DUSP29: variants seen among roughly 807,000 people sequenced by gnomAD.
The protein encoded by DUSP29 is dual specificity phosphatase 29.
In DUSP29, 12 loss-of-function variants were observed where a neutral mutation model predicts 13.5. That is an observed-to-expected ratio of 0.89 (90% CI 0.57 to 1.44). The LOEUF (loss-of-function observed/expected upper bound fraction) is 1.44. DUSP29 is among the 40% of genes most tolerant of loss of function. DUSP29 has a pLI of 0.00. For synonymous variants in DUSP29, 134 were observed against 128.7 expected (o/e 1.04, Z -0.28); for missense variants, 308 against 301.1 (o/e 1.02, Z -0.17).
chr10:75,037,704 G>A lies in DUSP29; in HGVS notation c.*132C>T, dbSNP rs1846492134. On this transcript the variant is annotated 3_prime_UTR_variant, in exon 4 of 4. Transcript: ENST00000338487. ...TCCTCCCTGTCCCCAGCACACATGG[G>A]GAAGTTGAACAAGATGGTTTGGAAG... 1.0e-5 allele frequency: 15 copies of A among 1,445,934 alleles called. No homozygotes were observed. In the South Asian group the frequency reaches 1.6e-4, roughly 16 times the overall value. 89.6% of individuals were successfully genotyped at this position (1,445,934 alleles called of 1,614,324 possible). A position where few individuals can be genotyped will look rare whatever the true frequency, so the allele number is the denominator to read the frequency against.
chr10:75,039,494 C>A (rs566702670), intron 3 of DUSP29, among the ~76,000 whole-genome samples: 1 of 152,046 alleles, frequency 6.6e-6, no homozygotes, highest in Admixed American at 6.5e-5. Flanking sequence ...CCAGCCGGGG[C>A]GACAGAGCAA....
chr10:75,055,105 G>T (rs1268609880), intron 2 of DUSP29, among the ~76,000 whole-genome samples: 1 of 152,118 alleles, frequency 6.6e-6, no homozygotes, highest in Non-Finnish European at 1.5e-5. Flanking sequence ...GCCTCCCAAA[G>T]TTACAGGGTT....
chr10:75,069,606 T>C (rs904544458), intron 1 of DUSP29, among the ~76,000 whole-genome samples: 2 of 152,168 alleles, frequency 1.3e-5, no homozygotes, highest in Admixed American at 6.5e-5. Context: ...GCTCTGGGCC[T>C]TGGGAAGGCG....
At chr10:75,044,546 G>A (rs778396758) in intron 2 of DUSP29, among the ~76,000 whole-genome samples, 1 of 152,248 alleles carries the variant, frequency 6.6e-6, no homozygotes, top group Non-Finnish European at 1.5e-5. Context: ...GAACGGGAAA[G>A]TGTTGCTTTG....
chr10:75,047,415 G>C (rs1049788344), intron 2 of DUSP29, among the ~76,000 whole-genome samples: 1 of 152,190 alleles, frequency 6.6e-6, no homozygotes, highest in Non-Finnish European at 1.5e-5. Context: ...TTGGGAGTGG[G>C]GCAGGCTCAG....
At chr10:75,065,794 G>T (rs2134305048) in intron 1 of DUSP29, among the ~76,000 whole-genome samples, 1 of 152,068 alleles carries the variant, frequency 6.6e-6, no homozygotes, top group South Asian at 2.1e-4. Flanking sequence ...AGGTTCAAGG[G>T]ATCCTCCCAC....
intron 1 of DUSP29, among the ~76,000 whole-genome samples, chr10:75,064,247 C>T (rs966514944): frequency 5.9e-5 from 9 of 152,054 alleles, no homozygotes; most frequent in African/African-American, 1.5e-4. Flanking sequence ...CGGTGGCTCA[C>T]GCCTGTAATC....
intron 1 of DUSP29, among the ~76,000 whole-genome samples, chr10:75,070,521 C>T (rs767690562): frequency 6.6e-6 from 1 of 152,186 alleles, no homozygotes; most frequent in African/African-American, 2.4e-5. Flanking sequence ...AATGTAAGCC[C>T]TTGGCACATC....
chr10:75,059,785 C>G (rs1236930480), intron 1 of DUSP29, among the ~76,000 whole-genome samples: 1 of 152,158 alleles, frequency 6.6e-6, no homozygotes, highest in Admixed American at 6.5e-5. Context: ...GAAGCTTCCA[C>G]TTATCAAAAC....
At chr10:75,067,534 C>T (rs1038296723) in intron 1 of DUSP29, among the ~76,000 whole-genome samples, 7 of 152,138 alleles carry the variant, frequency 4.6e-5, no homozygotes, top group Non-Finnish European at 8.8e-5. Flanking sequence ...GGAGTGGCAT[C>T]GTTCCCTCCT....
intron 1 of DUSP29, among the ~76,000 whole-genome samples, chr10:75,066,077 A>G (rs960336795): frequency 2.6e-5 from 4 of 152,106 alleles, no homozygotes; most frequent in Non-Finnish European, 4.4e-5. Context: ...GGCATGGCCC[A>G]GAAAGAGGTG....
chr10:75,048,388 CT>C (rs914448130), intron 2 of DUSP29, among the ~76,000 whole-genome samples: 9 of 144,686 alleles, frequency 6.2e-5, no homozygotes, highest in African/African-American at 1.5e-4. Context: ...ATGTAGTTTA[CT>C]TTTTTTTTCT....
chr10:75,037,707 A>C lies in DUSP29; in HGVS notation c.*129T>G. 6 of 1,439,734 alleles carry C rather than the reference A, an allele frequency of 4.2e-6. No individual in the cohort carries two copies. The highest frequency in any genetic ancestry group is 4.6e-6 in the Non-Finnish European group (5 of 1,079,168). 89.2% of individuals were successfully genotyped at this position (1,439,734 alleles called of 1,614,324 possible). On this transcript the variant is annotated 3_prime_UTR_variant, in exon 4 of 4. Transcript: ENST00000338487. The stretch of plus-strand genomic sequence containing the variant: ...TCCCTGTCCCCAGCACACATGGGGA[A>C]GTTGAACAAGATGGTTTGGAAGAGT...
intron 1 of DUSP29, among the ~76,000 whole-genome samples, chr10:75,065,758 A>G (rs545031357): frequency 2.0e-5 from 3 of 151,390 alleles, no homozygotes; most frequent in Non-Finnish European, 4.4e-5. Flanking sequence ...TGGTTCAATC[A>G]TGGCTCGCTG....
intron 2 of DUSP29, 71 bp from the exon 3 acceptor site, chr10:75,044,088 CCA>C: frequency 7.1e-7 from 1 of 1,414,818 alleles, no homozygotes. Context: ...CAGGGGCCAC[CCA>C]CGCTTTCCGC....
chr10:75,072,964 C>T (rs1231619720), intron 1 of DUSP29, among the ~76,000 whole-genome samples: 4 of 151,948 alleles, frequency 2.6e-5, no homozygotes, highest in Admixed American at 2.6e-4. Flanking sequence ...ACTCTTGGTC[C>T]AGTGGCTCTG....
intron 1 of DUSP29, among the ~76,000 whole-genome samples, chr10:75,064,522 C>A (rs915767055): frequency 1.3e-5 from 2 of 152,048 alleles, no homozygotes; most frequent in Non-Finnish European, 2.9e-5. Context: ...CAAAAAACAA[C>A]AACAAAAAAA....
rs374234480 is a variant in DUSP29, at chr10:75,048,020, T to C, written c.201-4003A>G. Among the ~76,000 whole-genome samples the C allele has an allele frequency of 5.0e-4, 76 of 152,346 alleles. 2 individuals carry two copies. In the South Asian group the frequency reaches 0.015, roughly 30 times the overall value. ...CTTCAATAACTGCATGCTATTTCATTATATAGGTATGTCCCAATTTTTTCT... is the reference window on the plus strand; with the variant it reads ...CTTCAATAACTGCATGCTATTTCATCATATAGGTATGTCCCAATTTTTTCT... On this transcript the variant is annotated intron_variant, in intron 2 of 3. Coordinates refer to ENST00000338487, the MANE Select transcript of DUSP29 (RefSeq NM_001003892.3).
intron 1 of DUSP29, among the ~76,000 whole-genome samples, chr10:75,073,268 G>A (rs1847373868): frequency 6.6e-6 from 1 of 152,052 alleles, no homozygotes; most frequent in South Asian, 2.1e-4. Context: ...GTTGGAATGT[G>A]GAATATGATA....
Sources: gnomAD v4.1 joint callset for allele counts (sites outside exome capture counted in the v4.1 genomes callset) on GRCh38, gnomAD v4.1.1 for gene constraint, MANE v1.5 for transcripts, NCBI Gene and HGNC (gene_info 2026-07-23, HGNC 2026-07-21) for gene names.